Variants in CENPP observed in about 807,000 individuals in gnomAD.
CENPP encodes the protein centromere protein P.
In CENPP, 24 loss-of-function variants were observed where a neutral mutation model predicts 35.6. That is an observed-to-expected ratio of 0.67 (90% CI 0.49 to 0.95). The LOEUF is 0.95. Ranked by LOEUF, CENPP falls within the 40% of genes least tolerant of loss-of-function variation. The probability of loss-of-function intolerance (pLI) is 0.00; values close to 1 mark genes in which losing one functional copy is unlikely to be tolerated. For missense variants in CENPP, 332 were observed against 345.3 expected (o/e 0.96, Z 0.31); for synonymous variants, 120 against 125.5 (o/e 0.96, Z 0.29).
chr9:92,399,978 T>C (rs2130923487), intron 5 of CENPP, among the ~76,000 whole-genome samples: 1 of 152,308 alleles, frequency 6.6e-6, no homozygotes, highest in African/African-American at 2.4e-5. Flanking sequence ...TCCCTTGTTA[T>C]TTGTTACATG....
intron 5 of CENPP, chr9:92,522,534 C>T: frequency 6.6e-7 from 1 of 1,512,798 alleles, no homozygotes; most frequent in Non-Finnish European, 8.9e-7. Context: ...ATCTCTCACC[C>T]TCCTCCCTCT....
intron 5 of CENPP, among the ~76,000 whole-genome samples, chr9:92,396,384 A>G (rs1842891380): frequency 6.6e-6 from 1 of 152,012 alleles, no homozygotes; most frequent in Middle Eastern, 3.2e-3. Flanking sequence ...TTAAACAAAA[A>G]AAAAACCTAT....
At chr9:92,440,059 G>T (rs1354546567) in intron 5 of CENPP, among the ~76,000 whole-genome samples, 1 of 152,076 alleles carries the variant, frequency 6.6e-6, no homozygotes, top group East Asian at 1.9e-4. Context: ...ATGCTATTTT[G>T]AGTAGCCTGA....
chr9:92,355,112 A>C (rs988785934), intron 4 of CENPP, among the ~76,000 whole-genome samples: 9 of 152,160 alleles, frequency 5.9e-5, no homozygotes, highest in Non-Finnish European at 8.8e-5. Context: ...TAAACAACAG[A>C]AAACAGGGTT....
At chr9:92,511,165 G>A (rs775576588) in intron 5 of CENPP, among the ~76,000 whole-genome samples, 6 of 151,996 alleles carry the variant, frequency 3.9e-5, no homozygotes, top group Admixed American at 6.5e-5. Flanking sequence ...TTCCTCTGTC[G>A]CCCAGGCTGG....
At chr9:92,394,674 G>A (rs1317972778) in intron 5 of CENPP, among the ~76,000 whole-genome samples, 2 of 150,602 alleles carry the variant, frequency 1.3e-5, no homozygotes, top group African/African-American at 2.4e-5. Flanking sequence ...GTGTGATCTC[G>A]GCTCACTGCA....
At chr9:92,444,856 A>G (rs1455274052) in intron 5 of CENPP, among the ~76,000 whole-genome samples, 2 of 152,058 alleles carry the variant, frequency 1.3e-5, no homozygotes, top group Admixed American at 6.6e-5. Flanking sequence ...CCACTACAGG[A>G]GCTGACATGG....
intron 5 of CENPP, among the ~76,000 whole-genome samples, chr9:92,552,464 G>T (rs1178919133): frequency 6.6e-6 from 1 of 152,132 alleles, no homozygotes; most frequent in Non-Finnish European, 1.5e-5. Flanking sequence ...CCCACCAGCA[G>T]TGTAGAAGTG....
intron 5 of CENPP, among the ~76,000 whole-genome samples, chr9:92,438,932 C>T (rs1844313882): frequency 2.0e-5 from 3 of 152,226 alleles, no homozygotes; most frequent in Non-Finnish European, 4.4e-5. Context: ...GCCTGTGTGA[C>T]AGAGCGAGAC....
intron 5 of CENPP, among the ~76,000 whole-genome samples, chr9:92,541,418 C>A (rs1437598426): frequency 1.2e-5 from 1 of 82,796 alleles, no homozygotes; most frequent in East Asian, 3.3e-4. Flanking sequence ...CCTTCCCCCT[C>A]CCCACCCCGC....
chr9:92,456,601 G>A (rs1363097615), intron 5 of CENPP: 1 of 151,498 alleles, frequency 6.6e-6, no homozygotes, highest in Non-Finnish European at 1.5e-5. Context: ...TTTTTACAGA[G>A]ATTTTTAAAT....
chr9:92,382,366 TGTGTTGGGAACCGTCA>T (rs1842271769), intron 5 of CENPP, among the ~76,000 whole-genome samples: 1 of 152,124 alleles, frequency 6.6e-6, no homozygotes, highest in Non-Finnish European at 1.5e-5. Context: ...ATCATTTCTT[TGTGTTGGGAACCGTCA>T]GTATCTTCTA....
chr9:92,547,361 T>C (rs1475014732), intron 5 of CENPP, among the ~76,000 whole-genome samples: 2 of 152,254 alleles, frequency 1.3e-5, no homozygotes, highest in Non-Finnish European at 2.9e-5. Flanking sequence ...CAATTGTTCA[T>C]TGCTACACTA....
intron 5 of CENPP, among the ~76,000 whole-genome samples, chr9:92,402,634 A>G (rs1413607804): frequency 2.6e-5 from 4 of 152,216 alleles, no homozygotes; most frequent in Non-Finnish European, 4.4e-5. Flanking sequence ...GTGTTAACTC[A>G]AAGACAGTTA....
chr9:92,448,605 G>T (rs772748345), intron 5 of CENPP, among the ~76,000 whole-genome samples: 218 of 152,170 alleles, frequency 1.4e-3, no homozygotes, highest in Middle Eastern at 6.8e-3. Flanking sequence ...TCATCTCTAG[G>T]GGGGTGTAAG....
chr9:92,376,998 T>C (rs1325372960), intron 4 of CENPP, among the ~76,000 whole-genome samples: 2 of 151,518 alleles, frequency 1.3e-5, no homozygotes, highest in Non-Finnish European at 2.9e-5. Flanking sequence ...TGAGCCGAGA[T>C]TGCACCACTG....
intron 4 of CENPP, among the ~76,000 whole-genome samples, chr9:92,363,217 A>G (rs971033555): frequency 1.3e-4 from 14 of 107,410 alleles, no homozygotes; most frequent in African/African-American, 5.0e-4. Flanking sequence ...ACTAGGAAAT[A>G]TGTATTTATA....
intron 5 of CENPP, chr9:92,389,674 G>A: frequency 2.1e-6 from 1 of 485,880 alleles, no homozygotes; most frequent in Non-Finnish European, 3.6e-6. Flanking sequence ...ACTGAGATAT[G>A]GGTATAAGCT....
intron 4 of CENPP, among the ~76,000 whole-genome samples, chr9:92,352,511 A>G (rs1220162701): frequency 1.8e-3 from 57 of 31,642 alleles, no homozygotes; most frequent in African/African-American, 8.4e-3. Flanking sequence ...GTGTGTATAC[A>G]TATATATATA....
Sources: gnomAD v4.1 joint callset for allele counts (sites outside exome capture counted in the v4.1 genomes callset) on GRCh38, gnomAD v4.1.1 for gene constraint, MANE v1.5 for transcripts, NCBI Gene and HGNC (gene_info 2026-07-23, HGNC 2026-07-21) for gene names.